ZNF71: variants seen among roughly 807,000 people sequenced by gnomAD.
ZNF71 encodes zinc finger protein 71.
Under a neutral mutation model 6.7 loss-of-function variants are expected in ZNF71, and 3 were observed. The ratio of observed to expected loss-of-function variants is 0.45; its 90% CI spans 0.20 to 1.16. ZNF71 has a LOEUF of 1.16. Among genes scored for constraint, ZNF71 ranks in the 50% most tolerant of loss-of-function variants. The pLI is 0.25. For missense variants in ZNF71, 688 were observed against 728.6 expected (o/e 0.94, Z 0.64); for synonymous variants, 343 against 311.1 (o/e 1.10, Z -1.08).
chr19:56,604,959 G>A (rs2044698353), intron 2 of ZNF71, among the ~76,000 whole-genome samples: 2 of 152,182 alleles, frequency 1.3e-5, no homozygotes. Context: ...AAGTGGGCAG[G>A]TGGGGCCTGT....
chr19:56,622,462 C>T lies in ZNF71; in HGVS notation c.1355C>T (p.Thr452Met), dbSNP rs769598739. 3 of 1,604,804 alleles carry T rather than the reference C, an allele frequency of 1.9e-6. No homozygotes were observed. The highest frequency in any genetic ancestry group is 2.3e-5 in the East Asian group (1 of 44,220). ...TGCTACATCTGCAAGAAGCACTTCA[C>T]GGGGCGCTCGTCCCTCATCGTGCAC... ...YECYICKKHFTGRSSLIVHQI... is the reference protein window; with the variant it reads ...YECYICKKHFMGRSSLIVHQI... The change falls in exon 4 of 4, where the codon ACG becomes ATG. Residue 452 changes from threonine to methionine, a missense_variant. Transcript: ENST00000599599.
rs1371321712 is a variant in ZNF71, at chr19:56,618,210, C to G, written c.161-3058C>G. ...CAGCTCGGGGGCCACACTGCCAGGG[C>G]TTGAATCCTGCTGTGCCTCAGGTGT... On this transcript the variant is annotated intron_variant, in intron 3 of 3. Coordinates refer to ENST00000599599, the MANE Select transcript of ZNF71 (RefSeq NM_001370215.1). The surrounding 1 kb of genome is among the most constrained non-coding windows in gnomAD (Gnocchi z 4.6). Among the ~76,000 whole-genome samples the G allele has an allele frequency of 1.3e-5, 2 of 152,238 alleles. No homozygotes were observed. The highest frequency in any genetic ancestry group is 2.9e-5 in the Non-Finnish European group (2 of 68,044).
intron 2 of ZNF71, among the ~76,000 whole-genome samples, chr19:56,609,776 T>C (rs1040950886): frequency 6.8e-6 from 1 of 147,598 alleles, no homozygotes; most frequent in Non-Finnish European, 1.5e-5. Flanking sequence ...AGGCATACGA[T>C]ATGGATTTTG....
In ZNF71 at chr19:56,611,568, A is replaced by T. The variant is rs563495732; in HGVS notation, c.34-2244A>T. On this transcript the variant is annotated intron_variant, in intron 2 of 3. Transcript: ENST00000599599. Reference sequence around the variant, plus strand: ...TCAAAGCCCGCAGATCTCTGTGCAGAGTGTGGAAGGGGGGCTTTTGGGGAT... The same window carrying T: ...TCAAAGCCCGCAGATCTCTGTGCAGTGTGTGGAAGGGGGGCTTTTGGGGAT... Among the ~76,000 whole-genome samples, 7 of 152,324 alleles carry T rather than the reference A, an allele frequency of 4.6e-5. No homozygotes were observed. The East Asian group carries it at 1.4e-3, about 29-fold the overall frequency.
chr19:56,620,908 C>T (rs891104390), intron 3 of ZNF71, among the ~76,000 whole-genome samples: 2 of 149,750 alleles, frequency 1.3e-5, no homozygotes, highest in Non-Finnish European at 2.9e-5. Context: ...GGAGGCCCTG[C>T]AAGTCAGTAG....
intron 1 of ZNF71, among the ~76,000 whole-genome samples, chr19:56,600,581 A>G (rs1363426749): frequency 6.6e-6 from 1 of 151,050 alleles, no homozygotes; most frequent in Non-Finnish European, 1.5e-5. Flanking sequence ...TTTCTTCATC[A>G]TTCTAGTCTC....
Position 56,608,880 on chromosome 19 carries a change from G to T in ZNF71, c.34-4932G>T, listed in dbSNP as rs2044729314. Among the ~76,000 whole-genome samples the T allele has an allele frequency of 2.0e-5, 3 of 152,334 alleles. No individual in the cohort carries two copies. In the South Asian group the frequency reaches 6.2e-4, roughly 32 times the overall value. The stretch of plus-strand genomic sequence containing the variant: ...GGTTATTTAGAATTCTGGAAACCCA[G>T]AAGCAACTCTACATGGAAAAGCTCT... On this transcript the variant is annotated intron_variant, in intron 2 of 3. Transcript: ENST00000599599.
intron 2 of ZNF71, among the ~76,000 whole-genome samples, chr19:56,608,080 C>T (rs1286607271): frequency 1.4e-5 from 2 of 138,850 alleles, no homozygotes; most frequent in African/African-American, 2.4e-5. Context: ...TCTTTATAAC[C>T]TTTTTGTCTT....
rs139037972 is a variant in ZNF71 at position 56,616,361 on chromosome 19, C to G, written c.160+2423C>G. Among the ~76,000 whole-genome samples the G allele has an allele frequency of 6.4e-4, 97 of 152,304 alleles. 1 individual carries two copies. Among genetic ancestry groups the G allele is most frequent in the African/African-American group, 2.2e-3 (92 of 41,566 alleles). On this transcript the variant is annotated intron_variant, in intron 3 of 3. Transcript: ENST00000599599. The stretch of plus-strand genomic sequence containing the variant: ...TGTCCATACAAGTGTGGGTCCAATT[C>G]TGAATCCTGTTCTGTCCATCTGTTT...
chr19:56,616,937 A>T (rs946319600), intron 3 of ZNF71, among the ~76,000 whole-genome samples: 1 of 152,040 alleles, frequency 6.6e-6, no homozygotes, highest in African/African-American at 2.4e-5. Flanking sequence ...CCATTGTTTT[A>T]TATATTTTGT....
intron 3 of ZNF71, among the ~76,000 whole-genome samples, chr19:56,616,684 C>T (rs1227109349): frequency 1.3e-5 from 2 of 152,180 alleles, no homozygotes; most frequent in Non-Finnish European, 2.9e-5. Flanking sequence ...CCTTGCAGGT[C>T]TTCAGAACAC....
rs536103931 is a variant in ZNF71, at chr19:56,621,988, G to A, written c.881G>A (p.Arg294Gln). The change falls in exon 4 of 4, where the codon CGG becomes CAG. Residue 294 changes from arginine to glutamine, a missense_variant. By Grantham distance (43) the Arg-to-Gln change is conservative. Transcript: ENST00000599599. ...RKTSSLTQHE[R>Q]IHTGEKPYAC... ...ACTTCCTCTCTCACCCAGCACGAGC[G>A]GATCCACACGGGGGAGAAGCCCTAC... The A allele has an allele frequency of 2.5e-6, 4 of 1,606,412 alleles. No individual in the cohort carries two copies. Among genetic ancestry groups the A allele is most frequent in the East Asian group, 2.2e-5 (1 of 44,822 alleles).
chr19:56,622,020 G>A lies in ZNF71; in HGVS notation c.913G>A (p.Gly305Arg). 3 of 1,613,094 alleles carry A rather than the reference G, an allele frequency of 1.9e-6. No individual in the cohort carries two copies. The highest frequency in any genetic ancestry group is 1.1e-5 in the South Asian group (1 of 91,002). Residue 305 changes from glycine to arginine, a missense_variant, in exon 4 of 4, where the codon GGG becomes AGG. Physicochemically the swap from Gly to Arg is moderately radical, Grantham distance 125. Coordinates refer to ENST00000599599, the MANE Select transcript of ZNF71 (RefSeq NM_001370215.1). ...IHTGEKPYACGDCGKAFSQNM... is the reference protein window; with the variant it reads ...IHTGEKPYACRDCGKAFSQNM... ...CACGGGGGAGAAGCCCTACGCGTGC[G>A]GGGACTGCGGCAAGGCCTTCAGCCA...
At chr19:56,604,045 C>A (rs942236451) in intron 2 of ZNF71, among the ~76,000 whole-genome samples, 1 of 150,768 alleles carries the variant, frequency 6.6e-6, no homozygotes, top group Admixed American at 6.6e-5. Flanking sequence ...AACCCTGGTG[C>A]CAGTCTGGGC....
intron 3 of ZNF71, among the ~76,000 whole-genome samples, chr19:56,615,154 G>A (rs765324250): frequency 5.9e-5 from 9 of 152,092 alleles, no homozygotes; most frequent in Non-Finnish European, 1.0e-4. Context: ...TCAACATTTG[G>A]GTCATTTCCA....
chr19:56,623,146 C>G lies in ZNF71; in HGVS notation c.*389C>G, dbSNP rs2044878933. 1 of 222,742 alleles carries G rather than the reference C, an allele frequency of 4.5e-6. No individual in the cohort carries two copies. Among genetic ancestry groups the G allele is most frequent in the African/African-American group, 2.3e-5 (1 of 43,388 alleles). 13.8% of individuals were successfully genotyped at this position (222,742 alleles called of 1,614,324 possible). A position where few individuals can be genotyped will look rare whatever the true frequency, so the allele number is the denominator to read the frequency against. On this transcript the variant is annotated 3_prime_UTR_variant, in exon 4 of 4. Coordinates refer to ENST00000599599, the MANE Select transcript of ZNF71 (RefSeq NM_001370215.1). ...GGTGGAGGGGAGGGAGGAGACATCT[C>G]CCTCTTTGTCAGATACATCCTGGAG...
rs943463139 is a variant in ZNF71 at position 56,618,458 on chromosome 19, G to T, written c.161-2810G>T. ...GTGTGCAGGCTGTGTGAGGAGCTGGGGGGTGAGCAAGGCCCTTGCCTCTAG... is the reference window on the plus strand; with the variant it reads ...GTGTGCAGGCTGTGTGAGGAGCTGGTGGGTGAGCAAGGCCCTTGCCTCTAG... On this transcript the variant is annotated intron_variant, in intron 3 of 3. Transcript: ENST00000599599. This position sits in a 1 kb window ranked among gnomAD's most constrained non-coding sequence, Gnocchi z 4.6. Among the ~76,000 whole-genome samples the T allele has an allele frequency of 1.3e-5, 2 of 152,176 alleles. No individual in the cohort carries two copies. Among genetic ancestry groups the T allele is most frequent in the African/African-American group, 2.4e-5 (1 of 41,434 alleles).
Position 56,621,479 on chromosome 19 carries a change from G to T in ZNF71, c.372G>T (p.Gly124=). 1.2e-6 allele frequency: 2 copies of T among 1,614,072 alleles called. No individual in the cohort carries two copies. The highest frequency in any genetic ancestry group is 1.1e-5 in the South Asian group (1 of 91,072). Residue 124 remains glycine (G), a synonymous_variant, in exon 4 of 4, where the codon GGG becomes GGT. Transcript: ENST00000599599. ...GGGAGCCATTGGGAATTCCCCAGGG[G>T]AACAAACTCTTAGGGGGCTCAGTAC... is the stretch of plus-strand genomic sequence containing the variant. ...AEWEPLGIPQ[G]NKLLGGSVPA... is the part of the protein sequence containing the mutation.
intron 2 of ZNF71, 87 bp downstream of exon 2, chr19:56,601,678 C>T: frequency 2.3e-6 from 2 of 868,958 alleles, no homozygotes; most frequent in Non-Finnish European, 2.8e-6. Context: ...TCTCCAAGGC[C>T]CCCAGTCCCA....
Sources: gnomAD v4.1 joint callset for allele counts (sites outside exome capture counted in the v4.1 genomes callset) on GRCh38, gnomAD v4.1.1 for gene constraint, Gnocchi (gnomAD v3.1) non-coding constraint, MANE v1.5 for transcripts, NCBI Gene and HGNC (gene_info 2026-07-23, HGNC 2026-07-21) for gene names.